The following ELAPOR2 variants were observed in gnomAD, a reference collection of about 807,000 sequenced individuals.
ELAPOR2 encodes endosome-lysosome associated apoptosis and autophagy regulator family member 2, also known as endosome/lysosome-associated apoptosis and autophagy regulator family member 2.
Under a neutral mutation model 120.7 loss-of-function variants are expected in ELAPOR2, and 89 were observed. That is an observed-to-expected ratio of 0.74 (90% CI 0.62 to 0.88). The LOEUF (loss-of-function observed/expected upper bound fraction) is 0.88. ELAPOR2 is among the 40% of genes least tolerant of loss of function. The pLI is 0.00. For synonymous variants in ELAPOR2, 444 were observed against 444.9 expected, an observed-to-expected ratio of 1.00 and a Z score of 0.03; for missense variants, 1,134 against 1,251.6, an observed-to-expected ratio of 0.91 and a Z score of 1.42.
At chr7:86,974,669 T>C (rs895547051) in intron 1 of ELAPOR2, among the ~76,000 whole-genome samples, 1 of 150,836 alleles carries the variant, frequency 6.6e-6, no homozygotes, top group Non-Finnish European at 1.5e-5. Context: ...AGATTGACAG[T>C]AGTTAACTAA....
chr7:86,965,649 C>T (rs1046059212), intron 1 of ELAPOR2, among the ~76,000 whole-genome samples: 3 of 152,140 alleles, frequency 2.0e-5, no homozygotes, highest in Non-Finnish European at 4.4e-5. Flanking sequence ...TTGTCTCCAG[C>T]CTTTGATTGT....
At chr7:86,933,569 C>T (rs1790427593) in intron 8 of ELAPOR2, among the ~76,000 whole-genome samples, 1 of 151,920 alleles carries the variant, frequency 6.6e-6, no homozygotes, top group African/African-American at 2.4e-5. Context: ...ATGGCCATGA[C>T]AATGGCCCAA....
At chr7:86,929,673 T>C (rs182050532) in intron 8 of ELAPOR2, among the ~76,000 whole-genome samples, 2 of 152,098 alleles carry the variant, frequency 1.3e-5, no homozygotes, top group African/African-American at 4.8e-5. Context: ...TCTTTTCCCA[T>C]GTGTTTACCT....
intron 8 of ELAPOR2, among the ~76,000 whole-genome samples, chr7:86,935,530 C>G (rs1302650613): frequency 6.6e-6 from 1 of 151,994 alleles, no homozygotes; most frequent in Non-Finnish European, 1.5e-5. Context: ...ATCTCTTCCT[C>G]TAGAGTCTAG....
At chr7:87,039,651 A>G (rs1018593166) in intron 1 of ELAPOR2, among the ~76,000 whole-genome samples, 3 of 152,220 alleles carry the variant, frequency 2.0e-5, no homozygotes, top group Non-Finnish European at 4.4e-5. Context: ...ATGAAGGATA[A>G]AAGCTACAAG....
At chr7:86,981,958 A>G (rs1792511454) in intron 1 of ELAPOR2, among the ~76,000 whole-genome samples, 1 of 152,240 alleles carries the variant, frequency 6.6e-6, no homozygotes, top group African/African-American at 2.4e-5. Flanking sequence ...TCCTGCCCAC[A>G]TACTGCGCTT....
intron 4 of ELAPOR2, 64 bp from the exon 5 acceptor site, chr7:86,942,168 AC>A: frequency 1.1e-6 from 1 of 924,864 alleles, no homozygotes; most frequent in Non-Finnish European, 1.7e-6. Flanking sequence ...TAAATTCTGT[AC>A]CCAGCACAGA....
At chr7:87,037,856 A>G (rs757326146) in intron 1 of ELAPOR2, among the ~76,000 whole-genome samples, 1 of 152,190 alleles carries the variant, frequency 6.6e-6, no homozygotes, top group Non-Finnish European at 1.5e-5. Context: ...GTAAAGCACT[A>G]CTATAAATCC....
At chr7:87,000,342 G>T (rs530418527) in intron 1 of ELAPOR2, among the ~76,000 whole-genome samples, 1 of 152,184 alleles carries the variant, frequency 6.6e-6, no homozygotes, top group East Asian at 1.9e-4. Flanking sequence ...TTTCCTCTGG[G>T]TGGTTTTCTA....
rs1355938615 is a variant in ELAPOR2, at chr7:86,905,130, A to AAGGAAGGAAGGAAG, written c.2558+2539_2558+2540insCTTCCTTCCTTCCT. Among the ~76,000 whole-genome samples the AAGGAAGGAAGGAAG allele has an allele frequency of 1.1e-3, 103 of 92,964 alleles. 3 individuals are homozygous for AAGGAAGGAAGGAAG. The highest frequency in any genetic ancestry group is 1.1e-3 in the Non-Finnish European group (45 of 41,312). 61.0% of individuals were successfully genotyped at this position (92,964 alleles called of 152,430 possible). A position where few individuals can be genotyped will look rare whatever the true frequency, so the allele number is the denominator to read the frequency against. ...AGGAAGGAAGGAAGGAAGGAAGGAAAGAAAGAAAAGAAAAGAAAGAAGAGA... is the reference window on the plus strand; with the variant it reads ...AGGAAGGAAGGAAGGAAGGAAGGAAAAGGAAGGAAGGAAGGAAAGAAAAGAAAAGAAAGAAGAGA... On this transcript the variant is annotated intron_variant, in intron 18 of 21. Coordinates refer to ENST00000450689, the MANE Select transcript of ELAPOR2 (RefSeq NM_001142749.3).
intron 18 of ELAPOR2, among the ~76,000 whole-genome samples, chr7:86,903,857 T>C (rs1490836329): frequency 6.6e-6 from 1 of 152,176 alleles, no homozygotes; most frequent in Admixed American, 6.5e-5. Flanking sequence ...ACTGGTGGCA[T>C]CAATAAAGAC....
chr7:86,937,489 C>G (rs912123998), intron 8 of ELAPOR2, among the ~76,000 whole-genome samples: 1 of 152,076 alleles, frequency 6.6e-6, no homozygotes, highest in Admixed American at 6.6e-5. Flanking sequence ...TAGGCTAATT[C>G]TTTAATTAAG....
rs376374394 is a variant in ELAPOR2 at position 86,925,511 on chromosome 7, G to A, written c.1399+17C>T. 35 of 1,609,702 alleles carry A rather than the reference G, an allele frequency of 2.2e-5. No individual in the cohort carries two copies. The African/African-American group carries it at 3.7e-4, about 17-fold the overall frequency. On this transcript the variant is annotated intron_variant, in intron 10 of 21. Coordinates refer to ENST00000450689, the MANE Select transcript of ELAPOR2 (RefSeq NM_001142749.3). Reference sequence around the variant, plus strand: ...TCTATTGCTGAAATACATCAAGTAGGCTGATTTTGAACTTACCATTCATTC... The same window carrying A: ...TCTATTGCTGAAATACATCAAGTAGACTGATTTTGAACTTACCATTCATTC...
intron 1 of ELAPOR2, among the ~76,000 whole-genome samples, chr7:87,035,535 A>C (rs1192208561): frequency 6.6e-6 from 1 of 152,210 alleles, no homozygotes; most frequent in Non-Finnish European, 1.5e-5. Context: ...TCCTTTGGTT[A>C]GTTTCCCGTG....
At chr7:86,889,707 C>T (rs998119273) in intron 21 of ELAPOR2, among the ~76,000 whole-genome samples, 2 of 151,928 alleles carry the variant, frequency 1.3e-5, no homozygotes, top group Non-Finnish European at 2.9e-5. Flanking sequence ...ACTAAAACCA[C>T]AAAAAGTAAG....
intron 13 of ELAPOR2, among the ~76,000 whole-genome samples, chr7:86,914,144 G>A (rs1021772607): frequency 4.6e-5 from 7 of 152,100 alleles, no homozygotes; most frequent in Admixed American, 3.3e-4. Context: ...TACATCTATA[G>A]AGATCCACAA....
intron 1 of ELAPOR2, among the ~76,000 whole-genome samples, chr7:87,057,238 CT>C (rs766497247): frequency 6.6e-6 from 1 of 152,180 alleles, no homozygotes; most frequent in East Asian, 1.9e-4. Context: ...ATTCCTTTAC[CT>C]TCAAAGTCTG....
chr7:86,907,717 C>T lies in ELAPOR2; in HGVS notation c.2511G>A (p.Met837Ile). 6.3e-7 allele frequency: 1 copy of T among 1,581,542 alleles called. No homozygotes were observed. Among genetic ancestry groups the T allele is most frequent in the Non-Finnish European group, 8.5e-7 (1 of 1,169,828 alleles). The change falls in exon 18 of 22, where the codon ATG becomes ATA. Residue 837 changes from methionine (M) to isoleucine (I), a missense_variant. Physicochemically the swap from Met to Ile is conservative, Grantham distance 10. Around this residue, in one of 3 missense-constraint regions of ELAPOR2, gnomAD observed 831 missense variants for 867.6 expected, o/e 0.96. Coordinates refer to ENST00000450689, the MANE Select transcript of ELAPOR2 (RefSeq NM_001142749.3). ...CINGRSTAVK[M>I]RCNPTKSGAG... ...CTCCAGATTTAGTAGGATTACACCT[C>T]ATTTTCACAGCAGTTGATCGGCCAT...
chr7:86,948,554 T>C (rs1266648729), intron 2 of ELAPOR2, among the ~76,000 whole-genome samples: 2 of 152,076 alleles, frequency 1.3e-5, no homozygotes, highest in African/African-American at 4.8e-5. Flanking sequence ...AGGAAAGCAG[T>C]GCAATAGTTG....
Sources: gnomAD v4.1 joint callset for allele counts (sites outside exome capture counted in the v4.1 genomes callset) on GRCh38, gnomAD v4.1.1 for gene constraint, gnomAD v4.1.1 regional missense constraint, MANE v1.5 for transcripts, NCBI Gene and HGNC (gene_info 2026-07-23, HGNC 2026-07-21) for gene names.